The following AHR variants were observed in gnomAD, a reference collection of about 807,000 sequenced individuals.
The protein encoded by AHR is AH-receptor.
AHR carries 40 observed loss-of-function variants against 86.8 expected under a neutral mutation model. The observed-to-expected ratio is 0.46, with a 90% CI of 0.36 to 0.60. The LOEUF is 0.60. AHR is among the 20% of genes least tolerant of loss of function. The probability of loss-of-function intolerance (pLI) is 0.00; values close to 1 mark genes in which losing one functional copy is unlikely to be tolerated. For missense variants in AHR, 1,001 were observed against 1,011.6 expected (o/e 0.99, Z 0.14); for synonymous variants, 398 against 354.9 (o/e 1.12, Z -1.37).
At chr7:17,322,351 T>C in intron 2 of AHR, 150 bp from the exon 3 acceptor site, 1 of 605,914 alleles carries the variant, frequency 1.7e-6, no homozygotes, top group South Asian at 2.2e-5. Flanking sequence ...TTACCTAGTA[T>C]TTATTATTTA....
chr7:17,302,513 T>C, intron 1 of AHR, among the ~76,000 whole-genome samples: 1 of 151,990 alleles, frequency 6.6e-6, no homozygotes, highest in East Asian at 1.9e-4. Flanking sequence ...GGTCTTTTCA[T>C]TTACACAATT....
At chr7:17,326,120 T>C (rs1037625836) in intron 3 of AHR, among the ~76,000 whole-genome samples, 4 of 152,202 alleles carry the variant, frequency 2.6e-5, no homozygotes, top group Non-Finnish European at 5.9e-5. Flanking sequence ...TTTAAAGGTA[T>C]AGTCCTTGAC....
chr7:17,324,924 G>A (rs1289429974), intron 3 of AHR, among the ~76,000 whole-genome samples: 1 of 152,110 alleles, frequency 6.6e-6, no homozygotes, highest in Non-Finnish European at 1.5e-5. Context: ...TACTTCACAT[G>A]TTTATTTCAT....
chr7:17,338,121 C>T (rs977636481), intron 9 of AHR, among the ~76,000 whole-genome samples: 2 of 150,560 alleles, frequency 1.3e-5, no homozygotes, highest in African/African-American at 4.9e-5. Flanking sequence ...ATGGCGTGAA[C>T]CCGGGAGGCG....
At chr7:17,341,093 T>G (rs1782418823) in intron 10 of AHR, among the ~76,000 whole-genome samples, 1 of 152,170 alleles carries the variant, frequency 6.6e-6, no homozygotes, top group African/African-American at 2.4e-5. Context: ...TTAAAGTATA[T>G]TTAAGTTTAG....
At chr7:17,301,768 C>G (rs908137492) in intron 1 of AHR, among the ~76,000 whole-genome samples, 2 of 151,902 alleles carry the variant, frequency 1.3e-5, no homozygotes, top group African/African-American at 4.8e-5. Context: ...GTATCTCCAA[C>G]ATAGTAGACT....
At chr7:17,342,044 A>G (rs191421089) in intron 10 of AHR, among the ~76,000 whole-genome samples, 9 of 152,254 alleles carry the variant, frequency 5.9e-5, no homozygotes, top group Non-Finnish European at 8.8e-5. Flanking sequence ...TAGATTTTAT[A>G]TATGTTTTGG....
rs1009151164 is a variant in AHR, at chr7:17,344,203, G to T, written c.*1139G>T. On this transcript the variant is annotated 3_prime_UTR_variant, in exon 11 of 11. Coordinates refer to ENST00000242057, the MANE Select transcript of AHR (RefSeq NM_001621.5). Reference sequence around the variant, plus strand: ...ATATTGTGTTGACTTTATAAATTTCGCTTCTTAGAACAGTGGAAACTATGT... The same window carrying T: ...ATATTGTGTTGACTTTATAAATTTCTCTTCTTAGAACAGTGGAAACTATGT... 1 of 152,642 alleles carries T rather than the reference G, an allele frequency of 6.6e-6. No individual in the cohort carries two copies. Among genetic ancestry groups the T allele is most frequent in the East Asian group, 1.9e-4 (1 of 5,336 alleles). The allele number at this position is 152,642 out of a possible 1,614,324, so 9.5% of individuals were successfully genotyped here. A position where few individuals can be genotyped will look rare whatever the true frequency, so the allele number is the denominator to read the frequency against.
At chr7:17,315,202 A>T (rs893936567) in intron 2 of AHR, among the ~76,000 whole-genome samples, 1 of 151,982 alleles carries the variant, frequency 6.6e-6, no homozygotes, top group Non-Finnish European at 1.5e-5. Context: ...CCTGGCTCTC[A>T]TATTTAATAT....
In AHR at chr7:17,340,116, G is replaced by T; in HGVS notation, c.2291G>T (p.Cys764Phe). The T allele has an allele frequency of 6.2e-7, 1 of 1,614,200 alleles. No individual in the cohort carries two copies. The highest frequency in any genetic ancestry group is 8.5e-7 in the Non-Finnish European group (1 of 1,180,028). ...PQSAIITPQT[C>F]YAGAVSMYQC... ...TCAGCCATAATAACTCCTCAGACAT[G>T]TTATGCTGGGGCCGTGTCGATGTAT... The change falls in exon 10 of 11, where the codon TGT becomes TTT. Residue 764 changes from cysteine to phenylalanine, a missense_variant. Around this residue, in one of 2 missense-constraint regions of AHR, gnomAD observed 607 missense variants for 543.1 expected, o/e 1.12. Coordinates refer to ENST00000242057, the MANE Select transcript of AHR (RefSeq NM_001621.5).
chr7:17,325,450 G>C (rs1211549788), intron 3 of AHR, among the ~76,000 whole-genome samples: 3 of 152,140 alleles, frequency 2.0e-5, no homozygotes, highest in Non-Finnish European at 4.4e-5. Flanking sequence ...GATATTTTCA[G>C]GATGAATCAG....
At chr7:17,305,206 T>G (rs1781993356) in intron 1 of AHR, among the ~76,000 whole-genome samples, 1 of 152,134 alleles carries the variant, frequency 6.6e-6, no homozygotes, top group South Asian at 2.1e-4. Context: ...TGTTTTTGAC[T>G]CATATAGGGA....
chr7:17,306,192 A>G (rs1175734576), intron 1 of AHR, among the ~76,000 whole-genome samples: 2 of 152,158 alleles, frequency 1.3e-5, no homozygotes, highest in Non-Finnish European at 2.9e-5. Flanking sequence ...CCTTTCTTAA[A>G]GATTCGAAGA....
chr7:17,337,476 G>GTT (rs371840495), intron 9 of AHR, among the ~76,000 whole-genome samples: 58 of 134,572 alleles, frequency 4.3e-4, no homozygotes, highest in Admixed American at 1.3e-3. Flanking sequence ...ACATCTTTCT[G>GTT]TTTTTTTTTT....
In AHR at chr7:17,339,366, T is replaced by C. The variant is rs779351731; in HGVS notation, c.1541T>C (p.Ile514Thr). ...GNDTILKHEQ[I>T]DQPQDVNSFA... ...GATACTATCCTGAAACATGAGCAAA[T>C]TGACCAGCCTCAGGATGTGAACTCA... The change falls in exon 10 of 11, where the codon ATT (isoleucine) becomes ACT (threonine). Residue 514 changes from isoleucine (I) to threonine (T), a missense_variant. Ile to Thr is a moderately conservative substitution (Grantham distance 89, BLOSUM62 -1). Transcript: ENST00000242057. The C allele has an allele frequency of 2.4e-5, 39 of 1,614,144 alleles. No homozygotes were observed. In the East Asian group the frequency reaches 2.7e-4, roughly 11 times the overall value.
rs1249482772 is a variant in AHR at position 17,344,089 on chromosome 7, A to T, written c.*1025A>T. ...TGTTTATTAAATTGCAAGAAGCTTTATTTCTAGCTTTTTAATTAAGCAAAG... is the reference window on the plus strand; with the variant it reads ...TGTTTATTAAATTGCAAGAAGCTTTTTTTCTAGCTTTTTAATTAAGCAAAG... On this transcript the variant is annotated 3_prime_UTR_variant, in exon 11 of 11. Transcript: ENST00000242057. The T allele has an allele frequency of 1.3e-5, 2 of 152,640 alleles. No homozygotes were observed. Among genetic ancestry groups the T allele is most frequent in the African/African-American group, 4.8e-5 (2 of 41,430 alleles). 9.5% of individuals were successfully genotyped at this position (152,640 alleles called of 1,614,324 possible).
chr7:17,327,410 T>C (rs1056842893), intron 3 of AHR, among the ~76,000 whole-genome samples: 5 of 151,878 alleles, frequency 3.3e-5, no homozygotes, highest in Admixed American at 6.6e-5. Flanking sequence ...CCTGTTTCCC[T>C]CTAAAAAAAA....
intron 3 of AHR, 111 bp downstream of exon 3, chr7:17,322,718 T>G: frequency 1.3e-6 from 1 of 762,948 alleles, no homozygotes; most frequent in Non-Finnish European, 2.1e-6. Context: ...CAATGTTTTT[T>G]GCCACTTTCA....
intron 5 of AHR, 150 bp downstream of exon 5, chr7:17,330,225 C>A: frequency 2.7e-6 from 2 of 749,634 alleles, no homozygotes; most frequent in African/African-American, 1.8e-5. Flanking sequence ...AGCTAGGTCA[C>A]AAAGAGCCTG....
Sources: gnomAD v4.1 joint callset for allele counts (sites outside exome capture counted in the v4.1 genomes callset) on GRCh38, gnomAD v4.1.1 for gene constraint, gnomAD v4.1.1 regional missense constraint, MANE v1.5 for transcripts, NCBI Gene and HGNC (gene_info 2026-07-23, HGNC 2026-07-21) for gene names.